Variants in FHIT observed in about 807,000 individuals in gnomAD.
FHIT encodes bis(5'-adenosyl)-triphosphatase.
FHIT carries 19 observed loss-of-function variants against 17.9 expected under a neutral mutation model. The ratio of observed to expected loss-of-function variants is 1.06; its 90% CI spans 0.74 to 1.56. The LOEUF (loss-of-function observed/expected upper bound fraction) is 1.56. Among genes scored for constraint, FHIT ranks in the 40% most tolerant of loss-of-function variants. FHIT has a pLI of 0.00. For synonymous variants in FHIT, 81 were observed against 69.7 expected (o/e 1.16, Z -0.81); for missense variants, 248 against 189.2 (o/e 1.31, Z -1.82).
intron 2 of FHIT, among the ~76,000 whole-genome samples, chr3:61,067,843 C>T (rs974014615): frequency 1.3e-5 from 2 of 152,302 alleles, no homozygotes; most frequent in South Asian, 2.1e-4. Flanking sequence ...TACTGAACAA[C>T]CTGTTTGGTC....
At position 60,354,958 on chromosome 3, in the gene FHIT, A is replaced by C. The variant is rs954263985; in HGVS notation, c.103+181902T>G. The stretch of plus-strand genomic sequence containing the variant: ...ACTTATCCTTAAACATTTCCAGTAA[A>C]TTTATGTTTTAGTTATCAATCAGTT... On this transcript the variant is annotated intron_variant, in intron 5 of 9. Transcript: ENST00000492590. Among the ~76,000 whole-genome samples, 49 of 152,268 alleles carry C rather than the reference A, an allele frequency of 3.2e-4. 1 individual carries two copies. Among genetic ancestry groups the C allele is most frequent in the African/African-American group, 1.2e-3 (49 of 41,564 alleles).
At chr3:61,191,382 T>C (rs953461072) in intron 2 of FHIT, among the ~76,000 whole-genome samples, 2 of 152,170 alleles carry the variant, frequency 1.3e-5, no homozygotes, top group Admixed American at 1.3e-4. Context: ...GATTATGCCA[T>C]TGGCTCCCTT....
chr3:59,868,795 G>T (rs1489206440), intron 8 of FHIT, among the ~76,000 whole-genome samples: 1 of 152,172 alleles, frequency 6.6e-6, no homozygotes, highest in East Asian at 1.9e-4. Flanking sequence ...CCATTTGTAG[G>T]TCTAATTACT....
chr3:59,886,707 C>G (rs1256430181), intron 8 of FHIT, among the ~76,000 whole-genome samples: 1 of 152,154 alleles, frequency 6.6e-6, no homozygotes, highest in African/African-American at 2.4e-5. Flanking sequence ...CCCTCATCAC[C>G]CAAACACTTC....
chr3:60,115,578 T>A (rs1704920136), intron 5 of FHIT, among the ~76,000 whole-genome samples: 2 of 152,194 alleles, frequency 1.3e-5, no homozygotes, highest in South Asian at 4.1e-4. Context: ...CATAGCGTTC[T>A]GGCAACTTAT....
chr3:60,501,904 G>C (rs1024970548), intron 5 of FHIT, among the ~76,000 whole-genome samples: 12 of 152,196 alleles, frequency 7.9e-5, no homozygotes, highest in Non-Finnish European at 1.6e-4. Flanking sequence ...TCAAAGAAAA[G>C]CTAAAATGTG....
intron 5 of FHIT, among the ~76,000 whole-genome samples, chr3:60,229,468 A>C (rs1343072425): frequency 6.6e-6 from 1 of 152,136 alleles, no homozygotes; most frequent in East Asian, 1.9e-4. Flanking sequence ...GAAAGAAAAG[A>C]AAGCAAGCCA....
chr3:60,780,771 G>A (rs964248113), intron 4 of FHIT, among the ~76,000 whole-genome samples: 1 of 152,100 alleles, frequency 6.6e-6, no homozygotes, highest in Admixed American at 6.5e-5. Flanking sequence ...TAGGTGGGAG[G>A]GGGTCCCCGA....
At chr3:60,514,772 G>A (rs2035087140) in intron 5 of FHIT, among the ~76,000 whole-genome samples, 1 of 152,076 alleles carries the variant, frequency 6.6e-6, no homozygotes, top group South Asian at 2.1e-4. Context: ...GTCTCTGAGA[G>A]GAGAGAAATC....
chr3:60,932,839 C>T (rs9757313), intron 3 of FHIT, among the ~76,000 whole-genome samples: 90,979 of 151,852 alleles, frequency 0.6, 27,562 homozygotes, highest in East Asian at 0.69. Context: ...GGTACCTCCT[C>T]CTCTCTAGCT....
At chr3:61,075,773 C>A (rs542517960) in intron 2 of FHIT, among the ~76,000 whole-genome samples, 1 of 152,080 alleles carries the variant, frequency 6.6e-6, no homozygotes, top group Non-Finnish European at 1.5e-5. Flanking sequence ...TATTCGTTCA[C>A]TGCCTTCTAT....
chr3:61,043,107 T>C (rs1035797538), intron 2 of FHIT, among the ~76,000 whole-genome samples: 5 of 152,086 alleles, frequency 3.3e-5, no homozygotes, highest in Non-Finnish European at 5.9e-5. Flanking sequence ...CTGGGGCTTG[T>C]TGGACAGTGG....
chr3:60,722,996 C>T (rs2041842590), intron 4 of FHIT, among the ~76,000 whole-genome samples: 1 of 152,146 alleles, frequency 6.6e-6, no homozygotes, highest in African/African-American at 2.4e-5. Context: ...GCTGGGATTA[C>T]AGGCATGAAC....
chr3:61,031,052 G>C (rs1413016538), intron 3 of FHIT, among the ~76,000 whole-genome samples: 1 of 152,130 alleles, frequency 6.6e-6, no homozygotes, highest in Non-Finnish European at 1.5e-5. Flanking sequence ...GCAGTGTTTT[G>C]AGCAGACAGG....
intron 2 of FHIT, among the ~76,000 whole-genome samples, chr3:61,146,930 T>A (rs972496000): frequency 3.3e-5 from 5 of 152,062 alleles, no homozygotes; most frequent in African/African-American, 9.7e-5. Context: ...TATTGCCCAC[T>A]TTTATTTATC....
At chr3:60,005,337 A>T (rs1160041231) in intron 7 of FHIT, among the ~76,000 whole-genome samples, 1 of 152,118 alleles carries the variant, frequency 6.6e-6, no homozygotes, top group African/African-American at 2.4e-5. Context: ...TCTACTTAGG[A>T]AAGGGCCTGA....
chr3:59,860,709 T>C lies in FHIT; in HGVS notation c.348+61637A>G, dbSNP rs114946113. On this transcript the variant is annotated intron_variant, in intron 8 of 9. Transcript: ENST00000492590. The stretch of plus-strand genomic sequence containing the variant: ...TGAAAAGTGAGATAAAACATCTACA[T>C]AAATAGTTCTAATACAGGGTAGAAC... Among the ~76,000 whole-genome samples, 3 of 152,126 alleles carry C rather than the reference T, an allele frequency of 2.0e-5. No homozygotes were observed. In the East Asian group the frequency reaches 5.8e-4, roughly 29 times the overall value.
chr3:60,180,987 G>A (rs1010267177), intron 5 of FHIT, among the ~76,000 whole-genome samples: 2 of 151,986 alleles, frequency 1.3e-5, no homozygotes, highest in Non-Finnish European at 2.9e-5. Flanking sequence ...AAATGAAGGT[G>A]AGTAGGAAAA....
chr3:60,128,439 G>A (rs1281440204), intron 5 of FHIT, among the ~76,000 whole-genome samples: 1 of 152,126 alleles, frequency 6.6e-6, no homozygotes, highest in Non-Finnish European at 1.5e-5. Context: ...GTTTCCTGAG[G>A]CCTCTCCAGC....
Sources: gnomAD v4.1 joint callset for allele counts (sites outside exome capture counted in the v4.1 genomes callset) on GRCh38, gnomAD v4.1.1 for gene constraint, MANE v1.5 for transcripts, NCBI Gene and HGNC (gene_info 2026-07-23, HGNC 2026-07-21) for gene names.